Variants in SYN1 observed in about 807,000 individuals in gnomAD.
The protein encoded by SYN1 is synapsin-1.
In SYN1, 8 loss-of-function variants were observed where a neutral mutation model predicts 44.6. The observed-to-expected ratio is 0.18, with a 90% CI of 0.11 to 0.32. SYN1 has a LOEUF of 0.32. Ranked by LOEUF, SYN1 falls within the 10% of genes least tolerant of loss-of-function variation. The pLI is 1.00. For missense variants in SYN1, 451 were observed against 639.4 expected (o/e 0.71, Z 3.18); for synonymous variants, 275 against 280.1 (o/e 0.98, Z 0.18).
chrX:47,572,060 C>T lies in SYN1; in HGVS notation c.*804G>A, dbSNP rs767782270. 7.5e-5 allele frequency: 10 copies of T among 133,859 alleles called. No homozygotes were observed. Among genetic ancestry groups the T allele is most frequent in the Non-Finnish European group, 1.5e-4 (10 of 66,133 alleles). The allele number at this position is 133,859 out of a possible 1,213,427, so 11.0% of individuals were successfully genotyped here. A position where few individuals can be genotyped will look rare whatever the true frequency, so the allele number is the denominator to read the frequency against. ...GCATCACCACAGGCGGCACGATGAA[C>T]GAGGACCACATATGCCAAGCACGGC... On this transcript the variant is annotated 3_prime_UTR_variant, in exon 13 of 13. Coordinates refer to ENST00000295987, the MANE Select transcript of SYN1 (RefSeq NM_006950.3).
intron 10 of SYN1, 35 bp downstream of exon 10, chrX:47,575,093 A>G: frequency 1.7e-6 from 2 of 1,177,467 alleles, no homozygotes; most frequent in Non-Finnish European, 2.3e-6. Flanking sequence ...TCCCCACACT[A>G]GCTCAAGCCA....
At chrX:47,587,697 T>G (rs2057832162) in intron 5 of SYN1, among the ~76,000 whole-genome samples, 1 of 110,648 alleles carries the variant, frequency 9.0e-6, no homozygotes, top group African/African-American at 3.3e-5. Flanking sequence ...CTAGAAAAAC[T>G]GAGTGAGAGA....
At chrX:47,575,342 C>T in intron 9 of SYN1, 68 bp from the exon 10 acceptor site, 1 of 1,160,612 alleles carries the variant, frequency 8.6e-7, no homozygotes, top group East Asian at 3.1e-5. Flanking sequence ...TAACACCGTG[C>T]TTTCAGTTGG....
chrX:47,616,245 T>C (rs1603076897), intron 1 of SYN1, among the ~76,000 whole-genome samples: 1 of 110,961 alleles, frequency 9.0e-6, no homozygotes, highest in Middle Eastern at 4.6e-3. Flanking sequence ...AAATAAATAT[T>C]TGCTAGATTG....
In SYN1 at chrX:47,576,660, G is replaced by C; in HGVS notation, c.838-20C>G. ...CTTGACCTGTGGAAGTGCGGGCAAG[G>C]ATCAGGGCCTGGTCAGGATAGGGCA... is the stretch of plus-strand genomic sequence containing the variant. On this transcript the variant is annotated intron_variant, in intron 6 of 12. Transcript: ENST00000295987. 1 of 1,211,477 alleles carries C rather than the reference G, an allele frequency of 8.3e-7. No individual in the cohort carries two copies. Among genetic ancestry groups the C allele is most frequent in the Non-Finnish European group, 1.1e-6 (1 of 895,478 alleles).
In SYN1 at chrX:47,587,556, G is replaced by C. The variant is rs191365308; in HGVS notation, c.775-10055C>G. 3.5e-5 allele frequency: 4 copies of C among 113,136 alleles called. No individual in the cohort carries two copies. The Admixed American group carries it at 3.8e-4, about 11-fold the overall frequency. The allele number at this position is 113,136 out of a possible 1,213,427, so 9.3% of individuals were successfully genotyped here. A position where few individuals can be genotyped will look rare whatever the true frequency, so the allele number is the denominator to read the frequency against. On this transcript the variant is annotated intron_variant, in intron 5 of 12. Coordinates refer to ENST00000295987, the MANE Select transcript of SYN1 (RefSeq NM_006950.3). The stretch of plus-strand genomic sequence containing the variant: ...AAATACTGACAGCAATGAAATGCAG[G>C]TAGGGTTCAAAATTAAGACCAGCCA...
Position 47,572,769 on chromosome X carries a change from G to T in SYN1, c.*95C>A. On this transcript the variant is annotated 3_prime_UTR_variant, in exon 13 of 13. Transcript: ENST00000295987. Reference sequence around the variant, plus strand: ...TGGAATCTTGGAGAACCGGGAGATGGGTTCTCAAGGGATTTGGAGACTCCA... The same window carrying T: ...TGGAATCTTGGAGAACCGGGAGATGTGTTCTCAAGGGATTTGGAGACTCCA... 8.7e-7 allele frequency: 1 copy of T among 1,145,443 alleles called. No homozygotes were observed. The highest frequency in any genetic ancestry group is 1.2e-6 in the Non-Finnish European group (1 of 838,722). 94.4% of individuals were successfully genotyped at this position (1,145,443 alleles called of 1,213,427 possible).
At chrX:47,577,612 C>G (rs2057782029) in intron 5 of SYN1, 111 bp from the exon 6 acceptor site, 4 of 672,178 alleles carry the variant, frequency 6.0e-6, no homozygotes, top group Non-Finnish European at 9.4e-6. Context: ...TGAGTCACTT[C>G]CCAGGACACA....
intron 5 of SYN1, chrX:47,583,314 C>T: frequency 1.3e-6 from 1 of 792,009 alleles, no homozygotes; most frequent in Non-Finnish European, 1.8e-6. Context: ...TAATCCCCCC[C>T]ATAGGCTGCC....
At chrX:47,573,720 C>A (rs1448093696) in intron 12 of SYN1, among the ~76,000 whole-genome samples, 1 of 110,342 alleles carries the variant, frequency 9.1e-6, no homozygotes, top group Non-Finnish European at 1.9e-5. Context: ...GCCTGGGAGG[C>A]CCTGGAGGAG....
At chrX:47,616,312 A>C (rs1243460990) in intron 1 of SYN1, among the ~76,000 whole-genome samples, 1 of 111,879 alleles carries the variant, frequency 8.9e-6, no homozygotes, top group Non-Finnish European at 1.9e-5. Flanking sequence ...TGAGATGCAG[A>C]AGGGGAAGGG....
intron 5 of SYN1, among the ~76,000 whole-genome samples, chrX:47,601,366 C>A (rs1433893780): frequency 8.9e-6 from 1 of 111,847 alleles, no homozygotes; most frequent in Non-Finnish European, 1.9e-5. Flanking sequence ...AGACCTATAA[C>A]AAGTGAAGAG....
At chrX:47,602,640 C>CA (rs778178512) in intron 5 of SYN1, among the ~76,000 whole-genome samples, 77 of 88,714 alleles carry the variant, frequency 8.7e-4, no homozygotes, top group Middle Eastern at 6.4e-3. Context: ...GACTCCTCCT[C>CA]AAAAAAAAAA....
Position 47,572,951 on chromosome X carries a change from C to T in SYN1, c.2031G>A (p.Pro677=). The change falls in exon 13 of 13, where the codon CCG becomes CCA. Residue 677 remains proline, a synonymous_variant. Coordinates refer to ENST00000295987, the MANE Select transcript of SYN1 (RefSeq NM_006950.3). ...CGTCCTGGCTAAGGCTGGGCCTGGG[C>T]GGGGCTGGCTCTGGAAGGTTGAAGG... ...TNAFNLPEPA[P]PRPSLSQDEV... 2 of 1,210,195 alleles carry T rather than the reference C, an allele frequency of 1.7e-6. No homozygotes were observed. Among genetic ancestry groups the T allele is most frequent in the Middle Eastern group, 2.3e-4 (1 of 4,350 alleles).
chrX:47,602,324 T>C (rs779690613), intron 5 of SYN1, among the ~76,000 whole-genome samples: 46 of 112,151 alleles, frequency 4.1e-4, no homozygotes, highest in Admixed American at 7.6e-4. Flanking sequence ...TCTCAAAGAA[T>C]GTAGACTAAT....
At chrX:47,583,339 G>C (rs2057807810) in intron 5 of SYN1, 1 of 1,077,971 alleles carries the variant, frequency 9.3e-7, no homozygotes, top group African/African-American at 1.9e-5. Flanking sequence ...GGCAAGATGG[G>C]GTGGATGACC....
At chrX:47,592,144 C>T (rs775869985) in intron 5 of SYN1, among the ~76,000 whole-genome samples, 5 of 110,916 alleles carry the variant, frequency 4.5e-5, no homozygotes. Flanking sequence ...AGTTTGAGAC[C>T]AACCTAGGCA....
chrX:47,582,996 C>T (rs1294992552), intron 5 of SYN1, among the ~76,000 whole-genome samples: 1 of 87,726 alleles, frequency 1.1e-5, no homozygotes, highest in Non-Finnish European at 2.2e-5. Context: ...TCCCTAAATT[C>T]CCCCAGCCTC....
intron 5 of SYN1, chrX:47,585,252 C>T (rs1191231056): frequency 1.1e-5 from 13 of 1,203,540 alleles, no homozygotes; most frequent in African/African-American, 5.3e-5. Context: ...ACATCCGGTT[C>T]GTCTACACCC....
Sources: allele counts gnomAD v4.1 joint callset (sites outside exome capture counted in the v4.1 genomes callset), GRCh38; gene constraint gnomAD v4.1.1; transcripts MANE v1.5; gene names NCBI Gene and HGNC (gene_info 2026-07-23, HGNC 2026-07-21).